ZC3H12B: variants seen among roughly 807,000 people sequenced by gnomAD.
ZC3H12B encodes zinc finger CCCH-type containing 12B, also known as probable ribonuclease ZC3H12B.
In ZC3H12B, 7 loss-of-function variants were observed where a neutral mutation model predicts 43.9. The observed-to-expected ratio is 0.16, with a 90% CI of 0.09 to 0.30. The LOEUF is 0.30. Among genes scored for constraint, ZC3H12B ranks in the 10% least tolerant of loss-of-function variants. The probability of loss-of-function intolerance (pLI) is 1.00; values close to 1 mark genes in which losing one functional copy is unlikely to be tolerated. For missense variants in ZC3H12B, 475 were observed against 670.2 expected (o/e 0.71, Z 3.22); for synonymous variants, 222 against 241.7 (o/e 0.92, Z 0.76).
chrX:65,078,777 A>T, the ZC3H12B span, among the ~76,000 whole-genome samples: 1 of 111,701 alleles, frequency 9.0e-6, no homozygotes, highest in African/African-American at 3.3e-5. Context: ...GTAATGGGGT[A>T]CATGAGATAT....
chrX:65,304,627 A>C, the ZC3H12B span, among the ~76,000 whole-genome samples: 1 of 110,215 alleles, frequency 9.1e-6, no homozygotes, highest in Non-Finnish European at 1.9e-5. Context: ...AAAAAAAAAA[A>C]AACAAAAAAC....
intron 3 of ZC3H12B, among the ~76,000 whole-genome samples, chrX:65,413,745 ATT>A (rs1220525296): frequency 9.0e-6 from 1 of 111,432 alleles, no homozygotes; most frequent in African/African-American, 3.3e-5. Flanking sequence ...CTTTTTAAAG[ATT>A]TTTTTTGTGT....
chrX:65,144,397 A>G, the ZC3H12B span, among the ~76,000 whole-genome samples: 1 of 111,839 alleles, frequency 8.9e-6, no homozygotes. Context: ...TGGTCTACCA[A>G]TGTTATTTAT....
the ZC3H12B span, among the ~76,000 whole-genome samples, chrX:65,114,291 T>C: frequency 9.2e-6 from 1 of 108,924 alleles, no homozygotes; most frequent in Non-Finnish European, 1.9e-5. Context: ...GAAAGAGTTC[T>C]TTACATTCTG....
intron 2 of ZC3H12B, among the ~76,000 whole-genome samples, chrX:65,398,016 T>C (rs1429145185): frequency 8.9e-6 from 1 of 111,776 alleles, no homozygotes; most frequent in Non-Finnish European, 1.9e-5. Context: ...ATCATGAAGG[T>C]AATCCCATTT....
Position 65,380,666 on chromosome X carries a change from C to T in ZC3H12B, n.295+11668C>T, listed in dbSNP as rs756083630. ...CAATTAAAAGACACAGACTGGCAAA[C>T]TGGATAAAGAGTCAAGACCCATCAG... On this transcript the variant is annotated intron_variant and non_coding_transcript_variant, in intron 2 of 5. Transcript: ENST00000617377. 3.3e-3 allele frequency among the ~76,000 whole-genome samples: 369 copies of T among 111,655 alleles called. 2 individuals are homozygous for T. The highest frequency in any genetic ancestry group is 0.011 in the African/African-American group (341 of 30,758).
At chrX:65,427,111 C>G (rs2067092590) in intron 3 of ZC3H12B, among the ~76,000 whole-genome samples, 1 of 111,427 alleles carries the variant, frequency 9.0e-6, no homozygotes, top group South Asian at 3.7e-4. Context: ...CTTTGAAGGT[C>G]TCTAAGAACT....
chrX:65,454,278 C>T (rs976033511), intron 3 of ZC3H12B, among the ~76,000 whole-genome samples: 13 of 112,216 alleles, frequency 1.2e-4, no homozygotes, highest in Non-Finnish European at 1.9e-5. Flanking sequence ...GTCACTCCCA[C>T]CCTAATACTG....
intron 3 of ZC3H12B, among the ~76,000 whole-genome samples, chrX:65,409,370 G>A (rs754908708): frequency 9.0e-6 from 1 of 111,558 alleles, no homozygotes; most frequent in East Asian, 2.8e-4. Context: ...AAAGCCTTTT[G>A]TCTAAGATCT....
chrX:65,376,905 G>A (rs2066354218), intron 2 of ZC3H12B, among the ~76,000 whole-genome samples: 1 of 110,629 alleles, frequency 9.0e-6, no homozygotes, highest in South Asian at 3.8e-4. Flanking sequence ...AGGAAAACAT[G>A]ACTCCACCAA....
intron 1 of ZC3H12B, among the ~76,000 whole-genome samples, chrX:65,493,466 T>G (rs952600057): frequency 5.3e-5 from 6 of 112,226 alleles, no homozygotes; most frequent in Admixed American, 9.5e-5. Context: ...GCACCTGTGG[T>G]CCACATACTG....
the ZC3H12B span, among the ~76,000 whole-genome samples, chrX:65,056,531 A>C: frequency 8.9e-6 from 1 of 111,799 alleles, no homozygotes; most frequent in Non-Finnish European, 1.9e-5. Context: ...ATTTTGGAAT[A>C]AGTGCAGTGT....
chrX:65,210,985 G>A, the ZC3H12B span, among the ~76,000 whole-genome samples: 2 of 64,175 alleles, frequency 3.1e-5, no homozygotes, highest in Non-Finnish European at 5.6e-5. Context: ...ACACATTAGT[G>A]GGTGCAGTGC....
intron 3 of ZC3H12B, among the ~76,000 whole-genome samples, chrX:65,434,655 C>G (rs1165004209): frequency 1.8e-5 from 2 of 112,074 alleles, no homozygotes; most frequent in African/African-American, 6.5e-5. Flanking sequence ...TCAAGTAGTT[C>G]TTTGCAGTGT....
the ZC3H12B span, among the ~76,000 whole-genome samples, chrX:65,218,483 G>A: frequency 8.9e-6 from 1 of 111,751 alleles, no homozygotes; most frequent in Non-Finnish European, 1.9e-5. Flanking sequence ...GGTAGGGTGG[G>A]AGTGAGACAG....
At chrX:65,095,318 G>A in the ZC3H12B span, among the ~76,000 whole-genome samples, 1 of 111,764 alleles carries the variant, frequency 8.9e-6, no homozygotes, top group Non-Finnish European at 1.9e-5. Flanking sequence ...CTGATTTATG[G>A]TCTGGCATGT....
rs2066658479 is a variant in ZC3H12B, at chrX:65,393,744, T to A, written n.296-4849T>A. Reference sequence around the variant, plus strand: ...ATGGGATTGCTGGGTCACATGGTATTTCTGGTTCTAGATGCTTGAGGAATC... The same window carrying A: ...ATGGGATTGCTGGGTCACATGGTATATCTGGTTCTAGATGCTTGAGGAATC... On this transcript the variant is annotated intron_variant and non_coding_transcript_variant, in intron 2 of 5. Transcript: ENST00000617377. Among the ~76,000 whole-genome samples, 3 of 112,133 alleles carry A rather than the reference T, an allele frequency of 2.7e-5. No individual in the cohort carries two copies. The Admixed American group carries it at 2.8e-4, about 11-fold the overall frequency.
At chrX:65,130,695 G>T in the ZC3H12B span, among the ~76,000 whole-genome samples, 4 of 111,983 alleles carry the variant, frequency 3.6e-5, no homozygotes, top group South Asian at 1.5e-3. Flanking sequence ...TGACAGAATA[G>T]AATGGGCCTG....
intron 2 of ZC3H12B, among the ~76,000 whole-genome samples, chrX:65,378,165 A>T (rs2066374964): frequency 9.0e-6 from 1 of 111,722 alleles, no homozygotes; most frequent in African/African-American, 3.3e-5. Flanking sequence ...AGGAAAATTC[A>T]AAATATTATA....
Sources: gnomAD v4.1 joint callset for allele counts (sites outside exome capture counted in the v4.1 genomes callset) on GRCh38, gnomAD v4.1.1 for gene constraint, MANE v1.5 for transcripts, NCBI Gene and HGNC (gene_info 2026-07-23, HGNC 2026-07-21) for gene names.